STXBP5: variants seen among roughly 807,000 people sequenced by gnomAD.
STXBP5 encodes the protein syntaxin-binding protein 5.
Under a neutral mutation model 152.4 loss-of-function variants are expected in STXBP5, and 50 were observed. That is an observed-to-expected ratio of 0.33 (90% CI 0.26 to 0.42). STXBP5 has a LOEUF of 0.42. Among genes scored for constraint, STXBP5 ranks in the 10% least tolerant of loss-of-function variants. STXBP5 has a pLI of 1.00. For missense variants in STXBP5, 1,167 were observed against 1,388.6 expected, an observed-to-expected ratio of 0.84 and a Z score of 2.54; for synonymous variants, 492 against 494.7, an observed-to-expected ratio of 0.99 and a Z score of 0.07.
chr6:147,245,174 G>A (rs1001518253), intron 4 of STXBP5, among the ~76,000 whole-genome samples: 3 of 151,432 alleles, frequency 2.0e-5, no homozygotes, highest in Non-Finnish European at 4.4e-5. Context: ...TGAATTGAAG[G>A]CACTGTCTCC....
At chr6:147,231,523 A>G (rs1399965117) in intron 2 of STXBP5, among the ~76,000 whole-genome samples, 12 of 151,928 alleles carry the variant, frequency 7.9e-5, no homozygotes, top group Non-Finnish European at 1.8e-4. Flanking sequence ...CTGAGATAGG[A>G]ATATTGTATT....
intron 26 of STXBP5, 97 bp from the exon 27 acceptor site, chr6:147,382,681 C>A: frequency 8.2e-7 from 1 of 1,225,498 alleles, no homozygotes; most frequent in Non-Finnish European, 1.2e-6. Flanking sequence ...AGTTGTATTA[C>A]CACTCAATCC....
chr6:147,314,894 G>A (rs939157306), intron 14 of STXBP5, among the ~76,000 whole-genome samples: 2 of 151,998 alleles, frequency 1.3e-5, no homozygotes, highest in Admixed American at 6.6e-5. Flanking sequence ...TCCTAAGTCA[G>A]AGTTAGGGGA....
chr6:147,310,819 G>A (rs901896440), intron 10 of STXBP5, among the ~76,000 whole-genome samples: 1 of 152,096 alleles, frequency 6.6e-6, no homozygotes, highest in Non-Finnish European at 1.5e-5. Context: ...TAATGGGCTT[G>A]ACTCAGAATC....
intron 27 of STXBP5, 29 bp from the exon 28 acceptor site, chr6:147,384,685 G>A (rs991435416): frequency 6.3e-7 from 1 of 1,598,760 alleles, no homozygotes. Flanking sequence ...CATTTTAAAA[G>A]CATGTTTTTC....
intron 1 of STXBP5, among the ~76,000 whole-genome samples, chr6:147,205,712 G>T (rs1207060240): frequency 4.6e-5 from 7 of 152,100 alleles, no homozygotes; most frequent in Non-Finnish European, 1.0e-4. Flanking sequence ...ATTAATAAAA[G>T]ATTTTCTTCT....
At chr6:147,338,382 T>G (rs1450429992) in intron 19 of STXBP5, among the ~76,000 whole-genome samples, 1 of 151,926 alleles carries the variant, frequency 6.6e-6, no homozygotes, top group East Asian at 1.9e-4. Context: ...ACTGAAAAAT[T>G]GAATGGATGA....
chr6:147,337,122 C>A (rs2128395570), intron 19 of STXBP5, among the ~76,000 whole-genome samples: 1 of 151,598 alleles, frequency 6.6e-6, no homozygotes, highest in Admixed American at 6.6e-5. Context: ...TATTGCTTCA[C>A]TGAACACTTT....
In STXBP5 at chr6:147,355,390, C is replaced by G. The variant is rs201640648; in HGVS notation, c.2305+2017C>G. ...AAGTATACAGACAGTAGCATGAAAACAGTGATTTTATGGCATGATTGTATC... is the reference window on the plus strand; with the variant it reads ...AAGTATACAGACAGTAGCATGAAAAGAGTGATTTTATGGCATGATTGTATC... On this transcript the variant is annotated intron_variant, in intron 22 of 27. Transcript: ENST00000321680. 1.3e-4 allele frequency among the ~76,000 whole-genome samples: 20 copies of G among 152,152 alleles called. No individual in the cohort carries two copies. The East Asian group carries it at 2.7e-3, about 21-fold the overall frequency.
chr6:147,213,464 G>T (rs1206168836), intron 2 of STXBP5, among the ~76,000 whole-genome samples: 1 of 145,916 alleles, frequency 6.9e-6, no homozygotes. Flanking sequence ...GTGTGTGTGT[G>T]TGTGTGTGTG....
At chr6:147,271,847 G>T (rs1295830711) in intron 7 of STXBP5, among the ~76,000 whole-genome samples, 1 of 152,004 alleles carries the variant, frequency 6.6e-6, no homozygotes, top group East Asian at 1.9e-4. Flanking sequence ...GGATTTGTGT[G>T]AAGATCAATA....
At chr6:147,379,287 G>A (rs186360433) in intron 26 of STXBP5, among the ~76,000 whole-genome samples, 360 of 152,192 alleles carry the variant, frequency 2.4e-3, no homozygotes, top group African/African-American at 8.1e-3. Context: ...GGGGAAGGGA[G>A]ACATTACTCT....
chr6:147,321,855 C>T (rs150649672), intron 16 of STXBP5, among the ~76,000 whole-genome samples: 112 of 152,278 alleles, frequency 7.4e-4, no homozygotes, highest in African/African-American at 2.6e-3. Context: ...GCATAACACC[C>T]TCTTCCCATT....
chr6:147,379,677 T>A (rs1319379963), intron 26 of STXBP5, among the ~76,000 whole-genome samples: 2 of 152,082 alleles, frequency 1.3e-5, no homozygotes, highest in Non-Finnish European at 2.9e-5. Context: ...GTAAAAGGCA[T>A]GCAAATTGGA....
At chr6:147,254,598 A>T (rs568690773) in intron 4 of STXBP5, among the ~76,000 whole-genome samples, 1 of 152,320 alleles carries the variant, frequency 6.6e-6, no homozygotes, top group Non-Finnish European at 1.5e-5. Flanking sequence ...AATTTACAAG[A>T]AAAAAACAAC....
chr6:147,279,920 G>A (rs1457004225), intron 8 of STXBP5, among the ~76,000 whole-genome samples: 1 of 152,142 alleles, frequency 6.6e-6, no homozygotes. Flanking sequence ...AAAGATGATA[G>A]AAATATGTAA....
At chr6:147,247,973 A>T (rs1398846886) in intron 4 of STXBP5, among the ~76,000 whole-genome samples, 2 of 151,902 alleles carry the variant, frequency 1.3e-5, no homozygotes, top group African/African-American at 4.9e-5. Context: ...AAAGGCGAAT[A>T]TAAGAAGAGT....
chr6:147,205,208 T>C (rs191862824), intron 1 of STXBP5, among the ~76,000 whole-genome samples: 1 of 152,242 alleles, frequency 6.6e-6, no homozygotes, highest in East Asian at 1.9e-4. Context: ...TTTTGCCTGT[T>C]AATGGCACGA....
At chr6:147,378,971 G>T (rs909544460) in intron 26 of STXBP5, among the ~76,000 whole-genome samples, 3 of 152,068 alleles carry the variant, frequency 2.0e-5, no homozygotes, top group African/African-American at 7.2e-5. Context: ...TTTCAGGAGA[G>T]AATCCATTTC....
Sources: allele counts gnomAD v4.1 joint callset (sites outside exome capture counted in the v4.1 genomes callset), GRCh38; gene constraint gnomAD v4.1.1; transcripts MANE v1.5; gene names NCBI Gene and HGNC (gene_info 2026-07-23, HGNC 2026-07-21).